Variants in PCDH1 observed in about 807,000 individuals in gnomAD.
PCDH1 encodes protocadherin 1.
A neutral mutation model predicts 74.6 loss-of-function variants in PCDH1; 23 were observed. That is an observed-to-expected ratio of 0.31 (90% CI 0.22 to 0.44). The LOEUF is 0.44. PCDH1 is among the 20% of genes least tolerant of loss of function. The pLI, the probability that PCDH1 is intolerant of heterozygous loss-of-function variation, is 1.00. For missense variants in PCDH1, 1,214 were observed against 1,641.4 expected, an observed-to-expected ratio of 0.74 and a Z score of 4.50; for synonymous variants, 647 against 686.1, an observed-to-expected ratio of 0.94 and a Z score of 0.89.
intron 4 of PCDH1, among the ~76,000 whole-genome samples, chr5:141,857,026 C>T (rs1752374473): frequency 6.6e-6 from 1 of 152,200 alleles, no homozygotes; most frequent in Non-Finnish European, 1.5e-5. Context: ...AGTGACTTAA[C>T]CTCTCTAAGC....
In PCDH1 at chr5:141,863,606, T is replaced by G; in HGVS notation, c.2725A>C (p.Asn909His). The G allele has an allele frequency of 6.2e-7, 1 of 1,614,218 alleles. No individual in the cohort carries two copies. The highest frequency in any genetic ancestry group is 8.5e-7 in the Non-Finnish European group (1 of 1,180,030). Residue 909 changes from asparagine (N) to histidine (H), a missense_variant, in exon 3 of 5, where the codon AAC becomes CAC. Around this residue, in one of 4 missense-constraint regions of PCDH1, gnomAD observed 836 missense variants for 1,182.2 expected, o/e 0.71. Coordinates refer to ENST00000287008, the MANE Select transcript of PCDH1 (RefSeq NM_032420.5). This position sits in a 1 kb window ranked among gnomAD's most constrained non-coding sequence, Gnocchi z 7.5. ...TTGCTCTTCTTGCCTTTGCTTTTGT[T>G]TCCCTTGGAGGCCTTGCCACTGGGC... ...PKPSGKASKG[N>H]KSKGKKSKSP...
chr5:141,863,019 C>G lies in PCDH1; in HGVS notation c.3099+213G>C, dbSNP rs1168222842. 2 of 1,291,610 alleles carry G rather than the reference C, an allele frequency of 1.5e-6. No individual in the cohort carries two copies. Among genetic ancestry groups the G allele is most frequent in the African/African-American group, 3.0e-5 (2 of 66,882 alleles). The allele number at this position is 1,291,610 out of a possible 1,614,324, so 80.0% of individuals were successfully genotyped here. On this transcript the variant is annotated intron_variant, in intron 3 of 4. Transcript: ENST00000287008. The surrounding 1 kb of genome is among the most constrained non-coding windows in gnomAD (Gnocchi z 7.5). ...CAGTGGGGAGAGGGCAGGGAGGAGA[C>G]CACAGAGCACACCCTCCCTTAATCT...
chr5:141,853,169 G>A lies in PCDH1; in HGVS notation c.*873C>T, dbSNP rs1179846836. On this transcript the variant is annotated 3_prime_UTR_variant, in exon 5 of 5. Transcript: ENST00000287008. ...CTGCTGATAGGCAAATGTTACCCCC[G>A]TCCCCACCCCCACCCACCCGTTGTT... 2 of 150,884 alleles carry A rather than the reference G, an allele frequency of 1.3e-5. No individual in the cohort carries two copies. The highest frequency in any genetic ancestry group is 2.1e-4 in the South Asian group (1 of 4,734). The allele number at this position is 150,884 out of a possible 1,614,324, so 9.3% of individuals were successfully genotyped here.
intron 1 of PCDH1, among the ~76,000 whole-genome samples, chr5:141,872,941 G>C (rs904499545): frequency 6.6e-6 from 1 of 152,142 alleles, no homozygotes; most frequent in African/African-American, 2.4e-5. Flanking sequence ...GTTGAAGAGG[G>C]CTTAGGCCTT....
chr5:141,867,719 C>A, intron 2 of PCDH1: 1 of 395,106 alleles, frequency 2.5e-6, no homozygotes, highest in South Asian at 1.9e-5. Context: ...CAGGGCAGGC[C>A]GAGCCTCCTC....
At position 141,864,772 on chromosome 5, in the gene PCDH1, T is replaced by G; in HGVS notation, c.1559A>C (p.Lys520Thr). 1 of 1,614,114 alleles carries G rather than the reference T, an allele frequency of 6.2e-7. No homozygotes were observed. The part of the protein sequence containing the change: ...VTEVAFPENN[K>T]PGEVIAEITA... ...GATCTCAGCAATCACTTCACCAGGC[T>G]TGTTGTTTTCCGGGAAGGCGACCTC... The change falls in exon 3 of 5, where the codon AAG becomes ACG. Residue 520 changes from lysine to threonine, a missense_variant. Coordinates refer to ENST00000287008, the MANE Select transcript of PCDH1 (RefSeq NM_032420.5). The surrounding 1 kb of genome is among the most constrained non-coding windows in gnomAD (Gnocchi z 5.9).
chr5:141,857,500 C>G (rs1281015342), intron 3 of PCDH1, 29 bp from the exon 4 acceptor site: 2 of 1,596,830 alleles, frequency 1.3e-6, no homozygotes, highest in Non-Finnish European at 1.7e-6. Context: ...TCACTACTGA[C>G]CAGCCAGCTT....
At chr5:141,854,523 C>A in intron 4 of PCDH1, 87 bp from the exon 5 acceptor site, 2 of 1,396,792 alleles carry the variant, frequency 1.4e-6, no homozygotes, top group East Asian at 2.4e-5. Context: ...CATCTACACC[C>A]CACCTCAGGA....
At chr5:141,860,498 CAAAAA>C (rs375427155) in intron 3 of PCDH1, among the ~76,000 whole-genome samples, 6 of 115,216 alleles carry the variant, frequency 5.2e-5, no homozygotes, top group Admixed American at 8.5e-5. Context: ...GACCCTGTCT[CAAAAA>C]AAAAAAAAAA....
At chr5:141,874,314 C>T (rs1184904766) in intron 1 of PCDH1, among the ~76,000 whole-genome samples, 1 of 152,178 alleles carries the variant, frequency 6.6e-6, no homozygotes, top group Admixed American at 6.5e-5. Flanking sequence ...TGAACTTTGT[C>T]CCCAGCAGTT....
intron 2 of PCDH1, among the ~76,000 whole-genome samples, chr5:141,867,091 G>C (rs560065402): frequency 2.0e-5 from 3 of 152,174 alleles, no homozygotes; most frequent in Non-Finnish European, 4.4e-5. Context: ...TCAACTTTAT[G>C]ATGAGGATCC....
In PCDH1 at chr5:141,854,200, G is replaced by A. The variant is rs1211208521; in HGVS notation, c.3556C>T (p.Arg1186Cys). 6 of 1,610,092 alleles carry A rather than the reference G, an allele frequency of 3.7e-6. No homozygotes were observed. The highest frequency in any genetic ancestry group is 2.2e-5 in the East Asian group (1 of 44,766). ...EDRNTKTAPV[R>C]LLPSYSAFSH... ...AAGGCACTGTAGGAGGGCAGGAGGC[G>A]CACGGGGGCCGTTTTGGTGTTCCGG... Residue 1186 changes from arginine (R) to cysteine (C), a missense_variant, in exon 5 of 5, where the codon CGC becomes TGC. This residue lies in a region of PCDH1 where 194 missense variants were observed against 198.3 expected (regional missense o/e 0.98). Transcript: ENST00000287008.
At chr5:141,876,009 T>C (rs916070621) in intron 1 of PCDH1, among the ~76,000 whole-genome samples, 1 of 152,184 alleles carries the variant, frequency 6.6e-6, no homozygotes, top group Non-Finnish European at 1.5e-5. Flanking sequence ...TCGCGGCGTC[T>C]TCCTGCACGA....
chr5:141,878,196 C>A lies in PCDH1; in HGVS notation c.40+27G>T. On this transcript the variant is annotated intron_variant, in intron 1 of 4. Coordinates refer to ENST00000287008, the MANE Select transcript of PCDH1 (RefSeq NM_032420.5). This position sits in a 1 kb window ranked among gnomAD's most constrained non-coding sequence, Gnocchi z 5.5. Reference sequence around the variant, plus strand: ...GACCGCTTCGGGCCCCAAGCCGCTGCTGCCTCCACCGCCGCCGGATCCTTA... The same window carrying A: ...GACCGCTTCGGGCCCCAAGCCGCTGATGCCTCCACCGCCGCCGGATCCTTA... 2 of 1,432,084 alleles carry A rather than the reference C, an allele frequency of 1.4e-6. No homozygotes were observed. Among genetic ancestry groups the A allele is most frequent in the Non-Finnish European group, 1.8e-6 (2 of 1,094,854 alleles). The allele number at this position is 1,432,084 out of a possible 1,614,324, so 88.7% of individuals were successfully genotyped here.
intron 4 of PCDH1, among the ~76,000 whole-genome samples, chr5:141,855,638 A>C (rs1752306474): frequency 1.3e-5 from 2 of 152,068 alleles, no homozygotes; most frequent in South Asian, 4.2e-4. Context: ...CTCCTGCAAG[A>C]CCTTGCTTTA....
chr5:141,863,251 G>C lies in PCDH1; in HGVS notation c.3080C>G (p.Pro1027Arg), dbSNP rs368562035. 27 of 1,593,322 alleles carry C rather than the reference G, an allele frequency of 1.7e-5. No homozygotes were observed. The highest frequency in any genetic ancestry group is 2.0e-5 in the Non-Finnish European group (23 of 1,169,852). The change falls in exon 3 of 5, where the codon CCC becomes CGC. Residue 1027 changes from proline to arginine, a missense_variant. By Grantham distance (103) the Pro-to-Arg change is moderately radical. This residue lies in a region of PCDH1 where 836 missense variants were observed against 1,182.2 expected (regional missense o/e 0.71). Transcript: ENST00000287008. This position sits in a 1 kb window ranked among gnomAD's most constrained non-coding sequence, Gnocchi z 7.5. ...GCCTACCTGCTTGCTGGGGTATTTG[G>C]GGGGGTTGGTGCGGTAGCTGTAGTC... is the stretch of plus-strand genomic sequence containing the variant. ...YSDYSYRTNP[P>R]KYPSKQLPHR...
intron 1 of PCDH1, among the ~76,000 whole-genome samples, chr5:141,877,107 G>T (rs140361666): frequency 2.0e-5 from 3 of 152,356 alleles, no homozygotes; most frequent in Non-Finnish European, 4.4e-5. Context: ...CTCGCCGAAC[G>T]ACCCCGGCGG....
In PCDH1 at chr5:141,863,537, C is replaced by T. The variant is rs758182529; in HGVS notation, c.2794G>A (p.Gly932Arg). 11 of 1,614,020 alleles carry T rather than the reference C, an allele frequency of 6.8e-6. No individual in the cohort carries two copies. The highest frequency in any genetic ancestry group is 1.1e-5 in the South Asian group (1 of 91,068). The change falls in exon 3 of 5, where the codon GGG becomes AGG. Residue 932 changes from glycine (G) to arginine (R), a missense_variant. Physicochemically the swap from Gly to Arg is moderately radical, Grantham distance 125 (BLOSUM62 -2). This residue lies in a region of PCDH1 where 836 missense variants were observed against 1,182.2 expected (regional missense o/e 0.71). Transcript: ENST00000287008. This position sits in a 1 kb window ranked among gnomAD's most constrained non-coding sequence, Gnocchi z 7.5. ...TTGAACTTGAGGGACTTCTGCAGCC[C>T]GGCCTCATCCTCGTCCTCCACTGGC... ...VKPVEDEDEA[G>R]LQKSLKFNLM...
chr5:141,857,212 C>T lies in PCDH1; in HGVS notation c.3319+40G>A, dbSNP rs750320967. The T allele has an allele frequency of 2.6e-5, 38 of 1,473,628 alleles. 1 individual carries two copies. Among genetic ancestry groups the T allele is most frequent in the Non-Finnish European group, 3.0e-5 (33 of 1,102,790 alleles). 91.3% of individuals were successfully genotyped at this position (1,473,628 alleles called of 1,614,324 possible). A position where few individuals can be genotyped will look rare whatever the true frequency, so the allele number is the denominator to read the frequency against. ...CCTTGTCACCATTCCCAGGCTTCCA[C>T]TCATTCCTGGGGTGCCCTGACCATG... is the stretch of plus-strand genomic sequence containing the variant. On this transcript the variant is annotated intron_variant, in intron 4 of 4. Coordinates refer to ENST00000287008, the MANE Select transcript of PCDH1 (RefSeq NM_032420.5).
Sources: gnomAD v4.1 joint callset for allele counts (sites outside exome capture counted in the v4.1 genomes callset) on GRCh38, gnomAD v4.1.1 for gene constraint, gnomAD v4.1.1 regional missense constraint, Gnocchi (gnomAD v3.1) non-coding constraint, MANE v1.5 for transcripts, NCBI Gene and HGNC (gene_info 2026-07-23, HGNC 2026-07-21) for gene names.